ADAMTSL5: variants seen among roughly 807,000 people sequenced by gnomAD.
ADAMTSL5 encodes the protein ADAMTS-like protein 5.
In ADAMTSL5, 53 loss-of-function variants were observed where a neutral mutation model predicts 51.7. The ratio of observed to expected loss-of-function variants is 1.03; its 90% CI spans 0.82 to 1.29. The LOEUF (loss-of-function observed/expected upper bound fraction) is 1.29. Among genes scored for constraint, ADAMTSL5 ranks in the 50% most tolerant of loss-of-function variants. The probability of loss-of-function intolerance (pLI) is 0.00; values close to 1 mark genes in which losing one functional copy is unlikely to be tolerated. For missense variants in ADAMTSL5, 770 were observed against 676.2 expected, an observed-to-expected ratio of 1.14 and a Z score of -1.54; for synonymous variants, 285 against 278.7, an observed-to-expected ratio of 1.02 and a Z score of -0.23.
rs752081514 is a variant in ADAMTSL5 at position 1,507,526 on chromosome 19, C to T, written c.688+31G>A. 2.0e-5 allele frequency: 32 copies of T among 1,612,234 alleles called. 1 individual carries two copies. Among genetic ancestry groups the T allele is most frequent in the Admixed American group, 5.0e-5 (3 of 59,980 alleles). ...GGACAACCGCCCCCGGGTGCCCAGC[C>T]GGGTGCCTCTCGCCTCACATCCTAG... On this transcript the variant is annotated intron_variant, in intron 8 of 11. Transcript: ENST00000330475.
At position 1,506,312 on chromosome 19, in the gene ADAMTSL5, G is replaced by T; in HGVS notation, c.1119C>A (p.Phe373Leu). Residue 373 changes from phenylalanine (F) to leucine (L), a missense_variant, in exon 12 of 12, where the codon TTC becomes TTA. Coordinates refer to ENST00000330475, the MANE Select transcript of ADAMTSL5 (RefSeq NM_213604.3). The surrounding 1 kb of genome is among the most constrained non-coding windows in gnomAD (Gnocchi z 5.6). ...GGTGGTGGCCCAGCACTCGGGCCTGGAACACTGTTGAGGGGACGTGCTAAG... is the reference window on the plus strand; with the variant it reads ...GGTGGTGGCCCAGCACTCGGGCCTGTAACACTGTTGAGGGGACGTGCTAAG... ...LLHYCGSDFV[F>L]QARVLGHHHQ... 1.3e-6 allele frequency: 2 copies of T among 1,546,866 alleles called. No individual in the cohort carries two copies. Among genetic ancestry groups the T allele is most frequent in the South Asian group, 2.5e-5 (2 of 80,268 alleles).
Position 1,510,275 on chromosome 19 carries a change from G to T in ADAMTSL5, c.253-17C>A, listed in dbSNP as rs753613108. On this transcript the variant is annotated splice_polypyrimidine_tract_variant and intron_variant, in intron 4 of 11. Coordinates refer to ENST00000330475, the MANE Select transcript of ADAMTSL5 (RefSeq NM_213604.3). The stretch of plus-strand genomic sequence containing the variant: ...GGGGCAGTCCTAGGGACAGAGATAG[G>T]TGAGCCAGAGGCTGGGACAACCCCA... 16 of 1,612,976 alleles carry T rather than the reference G, an allele frequency of 9.9e-6. No homozygotes were observed. The East Asian group carries it at 3.1e-4, about 31-fold the overall frequency.
At chr19:1,507,843 A>T (rs563535867) in intron 7 of ADAMTSL5, among the ~76,000 whole-genome samples, 155 bp downstream of exon 7, 3 of 152,128 alleles carry the variant, frequency 2.0e-5, no homozygotes, top group African/African-American at 7.2e-5. Flanking sequence ...TGTCCTGGGG[A>T]AGGGCGGGAC....
rs771249773 is a variant in ADAMTSL5, at chr19:1,506,621, G to A, written c.1083C>T (p.His361=). Residue 361 remains histidine, a synonymous_variant, in exon 11 of 12, where the codon CAC becomes CAT. Coordinates refer to ENST00000330475, the MANE Select transcript of ADAMTSL5 (RefSeq NM_213604.3). The surrounding 1 kb of genome is among the most constrained non-coding windows in gnomAD (Gnocchi z 5.6). Reference sequence around the variant, plus strand: ...CACTGCCGCAATAGTGGAGTAGTCGGTGGGCGCGGCCGCGGGTGTCAGGGC... The same window carrying A: ...CACTGCCGCAATAGTGGAGTAGTCGATGGGCGCGGCCGCGGGTGTCAGGGC... ...PPCPDTRGRA[H]RLLHYCGSDF... is the part of the protein sequence containing the mutation. 5 of 1,612,268 alleles carry A rather than the reference G, an allele frequency of 3.1e-6. No homozygotes were observed. Among genetic ancestry groups the A allele is most frequent in the Middle Eastern group, 1.7e-4 (1 of 5,998 alleles).
chr19:1,507,838 T>C (rs1913030495), intron 7 of ADAMTSL5, among the ~76,000 whole-genome samples, 160 bp downstream of exon 7: 2 of 152,004 alleles, frequency 1.3e-5, no homozygotes, highest in Admixed American at 6.6e-5. Flanking sequence ...CCATCTGTCC[T>C]GGGGAAGGGC....
Position 1,506,136 on chromosome 19 carries a change from C to T in ADAMTSL5, c.1295G>A (p.Arg432His), listed in dbSNP as rs142558769. Residue 432 changes from arginine to histidine, a missense_variant, in exon 12 of 12, where the codon CGT (arginine) becomes CAT (histidine). Physicochemically the swap from Arg to His is conservative, Grantham distance 29. Coordinates refer to ENST00000330475, the MANE Select transcript of ADAMTSL5 (RefSeq NM_213604.3). The surrounding 1 kb of genome is among the most constrained non-coding windows in gnomAD (Gnocchi z 5.6). ...CTGTGTGCCGTCGGGGCTGACAAGA[C>T]GCTGGACAGCCATCAGGTAGTCCCG... The part of the protein sequence containing the change: ...PHRDYLMAVQ[R>H]LVSPDGTQDQ... The T allele has an allele frequency of 4.5e-3, 7,249 of 1,607,928 alleles. 19 individuals carry two copies. Among genetic ancestry groups the T allele is most frequent in the Admixed American group, 5.7e-3 (341 of 59,426 alleles).
Position 1,506,033 on chromosome 19 carries a change from G to A in ADAMTSL5, c.1398C>T (p.Ala466=), listed in dbSNP as rs776310289. 3.2e-6 allele frequency: 5 copies of A among 1,579,800 alleles called. No individual in the cohort carries two copies. In the Admixed American group the frequency reaches 8.8e-5, roughly 28 times the overall value. ...CAGGGGCTCAGCCAGGACAGCGCCG[G>A]GCAGTCAGGCGTATGCGGCTGTCCT... ...PAEDSRIRLT[A]RRCPG The change falls in exon 12 of 12, where the codon GCC becomes GCT. Residue 466 remains alanine, a synonymous_variant. Coordinates refer to ENST00000330475, the MANE Select transcript of ADAMTSL5 (RefSeq NM_213604.3). This position sits in a 1 kb window ranked among gnomAD's most constrained non-coding sequence, Gnocchi z 5.6.
rs568666000 is a variant in ADAMTSL5, at chr19:1,510,721, C to T, written c.109G>A (p.Glu37Lys). Reference protein sequence around the residue: ...GLGVSAQGPGEWTPWVSWTRC... With the variant: ...GLGVSAQGPGKWTPWVSWTRC... ...GTCCAGGACACCCACGGGGTCCACTCGCCCGGACCCTACTTGGGGAGACAG... is the reference window on the plus strand; with the variant it reads ...GTCCAGGACACCCACGGGGTCCACTTGCCCGGACCCTACTTGGGGAGACAG... Residue 37 changes from glutamate to lysine, a missense_variant, in exon 3 of 12, where the codon GAG becomes AAG. Glu to Lys is a moderately conservative substitution (Grantham distance 56). Transcript: ENST00000330475. The T allele has an allele frequency of 1.5e-4, 237 of 1,537,698 alleles. No homozygotes were observed. The highest frequency in any genetic ancestry group is 3.6e-4 in the Admixed American group (18 of 50,092).
At position 1,507,392 on chromosome 19, in the gene ADAMTSL5, G is replaced by A; in HGVS notation, c.702C>T (p.Gly234=). Residue 234 remains glycine (G), a synonymous_variant, in exon 9 of 12, where the codon GGC becomes GGT. Transcript: ENST00000330475. Reference sequence around the variant, plus strand: ...GCCCATTAAGCACGTAGCGCCCATCGCCCCCCATCAGTGCTGCAAGGGAAC... The same window carrying A: ...GCCCATTAAGCACGTAGCGCCCATCACCCCCCATCAGTGCTGCAAGGGAAC... ...RSRNHLALMG[G]DGRYVLNGHW... is the part of the protein sequence containing the mutation. 2.5e-6 allele frequency: 4 copies of A among 1,573,178 alleles called. No individual in the cohort carries two copies. Among genetic ancestry groups the A allele is most frequent in the East Asian group, 2.2e-5 (1 of 44,562 alleles).
intron 5 of ADAMTSL5, 99 bp downstream of exon 5, chr19:1,510,051 A>C: frequency 1.1e-6 from 1 of 950,508 alleles, no homozygotes; most frequent in Non-Finnish European, 1.5e-6. Context: ...CCTAGCACTA[A>C]TACCCTCTTC....
intron 7 of ADAMTSL5, 135 bp downstream of exon 7, chr19:1,507,863 G>T: frequency 9.2e-7 from 1 of 1,081,442 alleles, no homozygotes; most frequent in Non-Finnish European, 1.3e-6. Flanking sequence ...CAATCTGTCA[G>T]TAGCCAATCA....
chr19:1,511,671 G>T, intron 1 of ADAMTSL5: 1 of 1,034,158 alleles, frequency 9.7e-7, no homozygotes, highest in Non-Finnish European at 1.3e-6. Context: ...CCAGGCCTCA[G>T]TTTCCCCATC....
At chr19:1,507,700 A>C (rs772569902) in intron 7 of ADAMTSL5, 57 bp from the exon 8 acceptor site, 7 of 1,542,780 alleles carry the variant, frequency 4.5e-6, no homozygotes, top group Non-Finnish European at 6.3e-6. Context: ...TTGAGCGATG[A>C]CTTGAGGATT....
At chr19:1,511,382 A>C (rs1599291517) in intron 1 of ADAMTSL5, among the ~76,000 whole-genome samples, 1 of 152,168 alleles carries the variant, frequency 6.6e-6, no homozygotes, top group African/African-American at 2.4e-5. Flanking sequence ...CATCTTGGCC[A>C]GGTTGGTCTC....
chr19:1,508,724 C>T (rs1913100361), intron 5 of ADAMTSL5, 154 bp from the exon 6 acceptor site: 1 of 1,098,298 alleles, frequency 9.1e-7, no homozygotes, highest in South Asian at 1.9e-5. Context: ...CAGGACTGGA[C>T]CGTAGGTGCT....
Position 1,508,492 on chromosome 19 carries a change from G to C in ADAMTSL5, c.440C>G (p.Thr147Ser). ...YHSFGRVLDGTACSPGAQGVC... is the reference protein window; with the variant it reads ...YHSFGRVLDGSACSPGAQGVC... ...CCCCTGGGCACCCGGGCTGCAGGCGGTGCCGTCCAGGACGCGGCCGAAGCT... is the reference window on the plus strand; with the variant it reads ...CCCCTGGGCACCCGGGCTGCAGGCGCTGCCGTCCAGGACGCGGCCGAAGCT... The change falls in exon 6 of 12, where the codon ACC becomes AGC. Residue 147 changes from threonine (T) to serine (S), a missense_variant. By Grantham distance (58) the Thr-to-Ser change is moderately conservative. Transcript: ENST00000330475. 16 of 1,587,004 alleles carry C rather than the reference G, an allele frequency of 1.0e-5. No homozygotes were observed. Among genetic ancestry groups the C allele is most frequent in the Non-Finnish European group, 1.4e-5 (16 of 1,173,422 alleles).
At chr19:1,509,254 CAAAAAAAAAAA>C (rs753778097) in intron 5 of ADAMTSL5, among the ~76,000 whole-genome samples, 3 of 49,560 alleles carry the variant, frequency 6.1e-5, no homozygotes, top group East Asian at 8.0e-4. Flanking sequence ...GACTCCATCT[CAAAAAAAAAAA>C]AAAAAAAAAA....
In ADAMTSL5 at chr19:1,511,585, G is replaced by A. The variant is rs564470247; in HGVS notation, c.-217-425C>T. The stretch of plus-strand genomic sequence containing the variant: ...TAGTACACAGGTGCCTCCTAGGGCT[G>A]GGGCCCCCTCCCCGCCCTCCCCACC... On this transcript the variant is annotated intron_variant, in intron 1 of 11. Transcript: ENST00000330475. The A allele has an allele frequency of 5.6e-6, 7 of 1,260,378 alleles. No homozygotes were observed. In the East Asian group the frequency reaches 3.4e-4, roughly 61 times the overall value. The allele number at this position is 1,260,378 out of a possible 1,614,324, so 78.1% of individuals were successfully genotyped here.
Position 1,506,357 on chromosome 19 carries a change from T to C in ADAMTSL5, c.1115-41A>G. On this transcript the variant is annotated intron_variant, in intron 11 of 11. Coordinates refer to ENST00000330475, the MANE Select transcript of ADAMTSL5 (RefSeq NM_213604.3). The surrounding 1 kb of genome is among the most constrained non-coding windows in gnomAD (Gnocchi z 5.6). ...GCTAAGCTGGCTGGCTGCTCAACTCTGCGCAAATCTCTACGCCCCCTCCCT... is the reference window on the plus strand; with the variant it reads ...GCTAAGCTGGCTGGCTGCTCAACTCCGCGCAAATCTCTACGCCCCCTCCCT... 1 of 1,537,526 alleles carries C rather than the reference T, an allele frequency of 6.5e-7. No homozygotes were observed. The highest frequency in any genetic ancestry group is 8.8e-7 in the Non-Finnish European group (1 of 1,141,394).
Sources: allele counts gnomAD v4.1 joint callset (sites outside exome capture counted in the v4.1 genomes callset), GRCh38; gene constraint gnomAD v4.1.1; non-coding constraint Gnocchi (gnomAD v3.1); transcripts MANE v1.5; gene names NCBI Gene and HGNC (gene_info 2026-07-23, HGNC 2026-07-21).